The following CDH18 variants were observed in gnomAD, a reference collection of about 807,000 sequenced individuals.
CDH18 encodes cadherin 18, also known as cadherin-18.
In CDH18, 31 loss-of-function variants were observed where a neutral mutation model predicts 67.9. The observed-to-expected ratio is 0.46, with a 90% CI of 0.34 to 0.62. The LOEUF (loss-of-function observed/expected upper bound fraction) is 0.62, where lower values mean the gene tolerates loss of function less well. CDH18 is among the 20% of genes least tolerant of loss of function. The probability of loss-of-function intolerance (pLI) is 0.01; values close to 1 mark genes in which losing one functional copy is unlikely to be tolerated. For missense variants in CDH18, 890 were observed against 975.5 expected, an observed-to-expected ratio of 0.91 and a Z score of 1.17; for synonymous variants, 362 against 347.2, an observed-to-expected ratio of 1.04 and a Z score of -0.48.
chr5:19,591,405 A>G (rs534502181), intron 6 of CDH18, among the ~76,000 whole-genome samples, 161 bp from the exon 7 acceptor site: 2 of 152,270 alleles, frequency 1.3e-5, no homozygotes, highest in South Asian at 4.1e-4. Context: ...TTTGTAATTA[A>G]ATACTAGATT....
chr5:20,027,746 T>A (rs956046924), intron 2 of CDH18, among the ~76,000 whole-genome samples: 3 of 152,204 alleles, frequency 2.0e-5, no homozygotes, highest in African/African-American at 7.2e-5. Flanking sequence ...TTAACATTTA[T>A]GACTTAAATT....
In CDH18 at chr5:19,727,647, T is replaced by C. The variant is rs139297813; in HGVS notation, c.524-6181A>G. Among the ~76,000 whole-genome samples, 196 of 152,294 alleles carry C rather than the reference T, an allele frequency of 1.3e-3. 1 individual carries two copies. Among genetic ancestry groups the C allele is most frequent in the African/African-American group, 4.6e-3 (190 of 41,564 alleles). ...TGAATATGGTGTGCTAGAGTTTCAG[T>C]GGGAAAAATGGACATTTATTCTCAT... On this transcript the variant is annotated intron_variant, in intron 4 of 12. Transcript: ENST00000382275.
chr5:20,429,402 T>C (rs780431698), intron 1 of CDH18, among the ~76,000 whole-genome samples: 32 of 152,114 alleles, frequency 2.1e-4, no homozygotes, highest in Non-Finnish European at 3.2e-4. Context: ...CTTTCACAGA[T>C]TGTGAAAGCA....
At chr5:19,796,858 G>A (rs1378072743) in intron 3 of CDH18, among the ~76,000 whole-genome samples, 1 of 151,058 alleles carries the variant, frequency 6.6e-6, no homozygotes, top group Non-Finnish European at 1.5e-5. Flanking sequence ...CTATGTTTGT[G>A]GTAACCCCTA....
At chr5:20,242,205 T>C (rs1184345191) in intron 2 of CDH18, among the ~76,000 whole-genome samples, 3 of 152,048 alleles carry the variant, frequency 2.0e-5, no homozygotes, top group Non-Finnish European at 1.5e-5. Flanking sequence ...CAATCATATT[T>C]TGATATATGT....
intron 1 of CDH18, among the ~76,000 whole-genome samples, chr5:20,493,558 G>T (rs57189145): frequency 0.033 from 5,056 of 152,044 alleles, 275 homozygotes; most frequent in African/African-American, 0.11. Flanking sequence ...GGGTGCTGGA[G>T]AGCTTTAGAG....
At chr5:20,077,991 T>C (rs919450250) in intron 2 of CDH18, among the ~76,000 whole-genome samples, 2 of 152,206 alleles carry the variant, frequency 1.3e-5, no homozygotes, top group Admixed American at 6.5e-5. Context: ...GCTCATTAAA[T>C]TGAAGTTTCA....
intron 2 of CDH18, among the ~76,000 whole-genome samples, chr5:19,881,595 A>G (rs1579407544): frequency 7.0e-6 from 1 of 143,730 alleles, no homozygotes; most frequent in Non-Finnish European, 1.5e-5. Context: ...TGCAATCTCC[A>G]CCTCCTGGGT....
chr5:19,892,387 G>T (rs1579459021), intron 2 of CDH18, among the ~76,000 whole-genome samples: 1 of 152,010 alleles, frequency 6.6e-6, no homozygotes, highest in Admixed American at 6.6e-5. Flanking sequence ...TATTGAGAAA[G>T]GGTTGGAAAC....
At chr5:19,970,674 A>C (rs79027769) in intron 2 of CDH18, among the ~76,000 whole-genome samples, 1 of 151,660 alleles carries the variant, frequency 6.6e-6, no homozygotes, top group Non-Finnish European at 1.5e-5. Flanking sequence ...CACGAGACTC[A>C]TGGGAATACA....
intron 3 of CDH18, among the ~76,000 whole-genome samples, chr5:19,790,107 C>T (rs555951502): frequency 1.4e-4 from 21 of 152,102 alleles, no homozygotes; most frequent in African/African-American, 5.1e-4. Context: ...TATTTGGTTT[C>T]GACTATTTCA....
intron 2 of CDH18, among the ~76,000 whole-genome samples, chr5:20,076,544 CA>C (rs199703794): frequency 0.03 from 4,078 of 133,764 alleles, 224 homozygotes; most frequent in East Asian, 0.29. Flanking sequence ...AATAGATTCC[CA>C]AAAAAAAAAA....
intron 2 of CDH18, among the ~76,000 whole-genome samples, chr5:20,096,056 A>G (rs984240528): frequency 2.6e-5 from 4 of 152,068 alleles, no homozygotes; most frequent in African/African-American, 9.7e-5. Context: ...CAAAGAAGCA[A>G]AGAGAGAGAT....
chr5:19,620,174 TACC>T (rs1296476718), intron 5 of CDH18, among the ~76,000 whole-genome samples: 4 of 152,202 alleles, frequency 2.6e-5, no homozygotes, highest in Non-Finnish European at 5.9e-5. Flanking sequence ...TTTCTCTTCC[TACC>T]ATGAAAATTG....
chr5:19,510,163 T>C (rs1267685672), intron 10 of CDH18, among the ~76,000 whole-genome samples: 2 of 152,154 alleles, frequency 1.3e-5, no homozygotes, highest in Non-Finnish European at 1.5e-5. Context: ...ATTTCGCCAA[T>C]TGTTGTTTAA....
At chr5:19,943,950 C>A (rs78837201) in intron 2 of CDH18, among the ~76,000 whole-genome samples, 6,339 of 152,012 alleles carry the variant, frequency 0.042, 195 homozygotes, top group Non-Finnish European at 0.065. Flanking sequence ...TACATGTATT[C>A]ATTGTGACTT....
At chr5:20,513,346 C>G (rs1189981854) in intron 1 of CDH18, among the ~76,000 whole-genome samples, 1 of 152,120 alleles carries the variant, frequency 6.6e-6, no homozygotes, top group African/African-American at 2.4e-5. Context: ...GAGACAATCT[C>G]TTAATTGTCA....
At chr5:20,333,520 A>AATATAT (rs141580496) in intron 1 of CDH18, among the ~76,000 whole-genome samples, 3 of 115,716 alleles carry the variant, frequency 2.6e-5, no homozygotes, top group African/African-American at 8.3e-5. Flanking sequence ...AAAAAAAAAC[A>AATATAT]ATATATATAC....
intron 1 of CDH18, among the ~76,000 whole-genome samples, chr5:20,279,185 C>T (rs562206045): frequency 5.9e-5 from 9 of 151,586 alleles, no homozygotes; most frequent in African/African-American, 1.9e-4. Context: ...CACACATAGA[C>T]TGAAAATAAA....
Sources: gnomAD v4.1 joint callset for allele counts (sites outside exome capture counted in the v4.1 genomes callset) on GRCh38, gnomAD v4.1.1 for gene constraint, MANE v1.5 for transcripts, NCBI Gene and HGNC (gene_info 2026-07-23, HGNC 2026-07-21) for gene names.